Variants in KIF1B observed in about 807,000 individuals in gnomAD.
KIF1B encodes the protein kinesin-like protein KIF1B.
Under a neutral mutation model 241.9 loss-of-function variants are expected in KIF1B, and 76 were observed. That is an observed-to-expected ratio of 0.31 (90% CI 0.26 to 0.38). The LOEUF is 0.38. KIF1B is among the 10% of genes least tolerant of loss of function. KIF1B has a pLI of 1.00. For synonymous variants in KIF1B, 750 were observed against 796.7 expected (o/e 0.94, Z 0.99); for missense variants, 1,622 against 2,271.4 (o/e 0.71, Z 5.81).
chr1:10,364,875 G>A (rs1320989964), intron 41 of KIF1B, among the ~76,000 whole-genome samples: 4 of 151,692 alleles, frequency 2.6e-5, no homozygotes, highest in East Asian at 3.9e-4. Context: ...GCATGGTGGC[G>A]GGCACCTGTA....
At chr1:10,369,167 C>T (rs1191299498) in intron 44 of KIF1B, among the ~76,000 whole-genome samples, 3 of 152,210 alleles carry the variant, frequency 2.0e-5, no homozygotes, top group Non-Finnish European at 2.9e-5. Flanking sequence ...CTACCTACAC[C>T]TCTTTCCTGC....
chr1:10,246,050 CAG>C (rs1424942020), intron 2 of KIF1B, among the ~76,000 whole-genome samples: 12 of 152,108 alleles, frequency 7.9e-5, no homozygotes, highest in African/African-American at 2.4e-4. Flanking sequence ...TGATAACTCC[CAG>C]ATTCACTTCT....
intron 2 of KIF1B, among the ~76,000 whole-genome samples, chr1:10,240,720 C>CTTTTTTTTTTTTTTTTTTTTTTT (rs771359959): frequency 9.6e-6 from 1 of 103,798 alleles, no homozygotes. Context: ...ATGGGTAGTT[C>CTTTTTTTTTTTTTTTTTTTTTTT]ATTTTTTTTT....
At chr1:10,276,527 C>G (rs1314484348) in intron 12 of KIF1B, 128 bp downstream of exon 12, 1 of 717,538 alleles carries the variant, frequency 1.4e-6, no homozygotes, top group African/African-American at 1.8e-5. Flanking sequence ...CCTCTCATAA[C>G]AGGGAAAACT....
At chr1:10,268,060 T>G (rs546763317) in intron 6 of KIF1B, 92 bp from the exon 7 acceptor site, 26 of 819,286 alleles carry the variant, frequency 3.2e-5, no homozygotes, top group East Asian at 2.9e-4. Context: ...CTATTGCTTG[T>G]GATTGTTATG....
rs945893177 is a variant in KIF1B, at chr1:10,305,406, T to C, written c.2115+8160T>C. 1.0e-5 allele frequency: 11 copies of C among 1,054,430 alleles called. No homozygotes were observed. The African/African-American group carries it at 1.8e-4, about 18-fold the overall frequency. 65.3% of individuals were successfully genotyped at this position (1,054,430 alleles called of 1,614,324 possible). ...TGCATTTTGAAGTTCAATGTATCATTTGACACACATGCACACAAAGTGAAC... is the reference window on the plus strand; with the variant it reads ...TGCATTTTGAAGTTCAATGTATCATCTGACACACATGCACACAAAGTGAAC... On this transcript the variant is annotated intron_variant, in intron 22 of 48. Transcript: ENST00000676179.
intron 1 of KIF1B, among the ~76,000 whole-genome samples, chr1:10,225,167 G>A (rs1374494770): frequency 6.6e-6 from 1 of 152,160 alleles, no homozygotes; most frequent in Non-Finnish European, 1.5e-5. Flanking sequence ...CCTAGGGGTT[G>A]AGGACCCCTC....
intron 1 of KIF1B, among the ~76,000 whole-genome samples, chr1:10,215,455 C>A (rs917525245): frequency 2.0e-5 from 3 of 151,996 alleles, no homozygotes; most frequent in African/African-American, 4.8e-5. Context: ...GGATTACAGG[C>A]ATGAGCCACT....
intron 2 of KIF1B, 142 bp from the exon 3 acceptor site, chr1:10,256,105 A>C: frequency 1.5e-6 from 1 of 664,836 alleles, no homozygotes; most frequent in Non-Finnish European, 2.7e-6. Context: ...CACTGAGCCC[A>C]GCCTATTAAT....
intron 1 of KIF1B, among the ~76,000 whole-genome samples, chr1:10,220,798 G>A (rs4329521): frequency 0.034 from 5,187 of 152,132 alleles, 110 homozygotes; most frequent in Middle Eastern, 0.12. Flanking sequence ...GAGTAGCTGG[G>A]ATTACAGGTG....
intron 38 of KIF1B, among the ~76,000 whole-genome samples, chr1:10,359,244 T>A (rs1638345984): frequency 6.6e-6 from 1 of 152,110 alleles, no homozygotes; most frequent in Non-Finnish European, 1.5e-5. Context: ...CATAGTGAGG[T>A]CACTATTTGA....
At chr1:10,369,362 T>G (rs1638661649) in intron 44 of KIF1B, among the ~76,000 whole-genome samples, 1 of 152,134 alleles carries the variant, frequency 6.6e-6, no homozygotes, top group Non-Finnish European at 1.5e-5. Context: ...GGTGTGGTGG[T>G]GCATACCTGT....
At chr1:10,221,031 A>G (rs1324606091) in intron 1 of KIF1B, among the ~76,000 whole-genome samples, 1 of 149,634 alleles carries the variant, frequency 6.7e-6, no homozygotes. Context: ...TAAAAATCTG[A>G]TATGTCAGGA....
At chr1:10,216,846 G>A (rs1377690413) in intron 1 of KIF1B, among the ~76,000 whole-genome samples, 2 of 151,126 alleles carry the variant, frequency 1.3e-5, no homozygotes, top group African/African-American at 4.9e-5. Flanking sequence ...TTCCCCCAGT[G>A]TGAGAAAGAG....
At chr1:10,244,957 A>G (rs1647189530) in intron 2 of KIF1B, among the ~76,000 whole-genome samples, 1 of 152,170 alleles carries the variant, frequency 6.6e-6, no homozygotes, top group Admixed American at 6.5e-5. Flanking sequence ...AGAGCGGAAG[A>G]TTGTGCTGAA....
rs867344175 is a variant in KIF1B at position 10,265,244 on chromosome 1, A to C, written c.430-2136A>C. 1.7e-4 allele frequency among the ~76,000 whole-genome samples: 24 copies of C among 141,120 alleles called. 1 individual carries two copies. In the South Asian group the frequency reaches 5.2e-3, roughly 31 times the overall value. The allele number at this position is 141,120 out of a possible 152,430, so 92.6% of individuals were successfully genotyped here. ...TATTTATTTATTTATTTATTTATTT[A>C]TTTATTTTTAGAGACAGGATCTCAC... On this transcript the variant is annotated intron_variant, in intron 5 of 48. Coordinates refer to ENST00000676179, the MANE Select transcript of KIF1B (RefSeq NM_001365951.3).
At position 10,242,852 on chromosome 1, in the gene KIF1B, A is replaced by T. The variant is rs565991807; in HGVS notation, c.106+10418A>T. Among the ~76,000 whole-genome samples, 27 of 152,180 alleles carry T rather than the reference A, an allele frequency of 1.8e-4. No individual in the cohort carries two copies. In the South Asian group the frequency reaches 5.4e-3, roughly 30 times the overall value. On this transcript the variant is annotated intron_variant, in intron 2 of 48. Coordinates refer to ENST00000676179, the MANE Select transcript of KIF1B (RefSeq NM_001365951.3). ...CTTATGGGACCACTCATATATGTGG[A>T]CCTTCATGTATGCAGCCCGCTGATG...
At chr1:10,240,383 T>C (rs1367274838) in intron 2 of KIF1B, among the ~76,000 whole-genome samples, 3 of 152,108 alleles carry the variant, frequency 2.0e-5, no homozygotes, top group African/African-American at 4.8e-5. Flanking sequence ...TAATTTTGTA[T>C]GTTTAGTAGA....
intron 1 of KIF1B, among the ~76,000 whole-genome samples, chr1:10,217,455 T>G (rs1190089596): frequency 6.6e-6 from 1 of 150,960 alleles, no homozygotes; most frequent in South Asian, 2.1e-4. Context: ...GCAGCTGGGA[T>G]TATAGGCACC....
Sources: gnomAD v4.1 joint callset for allele counts (sites outside exome capture counted in the v4.1 genomes callset) on GRCh38, gnomAD v4.1.1 for gene constraint, MANE v1.5 for transcripts, NCBI Gene and HGNC (gene_info 2026-07-23, HGNC 2026-07-21) for gene names.